The following TENM1 variants were observed in gnomAD, a reference collection of about 807,000 sequenced individuals.
TENM1 encodes teneurin-1.
A neutral mutation model predicts 174.8 loss-of-function variants in TENM1; 35 were observed. The observed-to-expected ratio is 0.20, with a 90% CI of 0.15 to 0.27. TENM1 has a LOEUF of 0.27. TENM1 is among the 10% of genes least tolerant of loss of function. The pLI is 1.00. For missense variants in TENM1, 1,633 were observed against 2,130.1 expected (o/e 0.77, Z 4.59); for synonymous variants, 781 against 798.7 (o/e 0.98, Z 0.37).
the TENM1 span, among the ~76,000 whole-genome samples, chrX:124,999,227 T>C: frequency 1.3e-4 from 14 of 111,432 alleles, no homozygotes; most frequent in Non-Finnish European, 2.5e-4. Flanking sequence ...AAATGTTTTA[T>C]ATTATAATTA....
At chrX:124,380,629 C>T in exon 32 of TENM1, 11 of 1,210,916 alleles carry the variant, frequency 9.1e-6, no homozygotes, top group Non-Finnish European at 1.2e-5. Context: ...AAACAAAATA[C>T]CCATCGTAAC....
At chrX:124,396,550 C>T (rs1404370157) in intron 27 of TENM1, among the ~76,000 whole-genome samples, 1 of 110,422 alleles carries the variant, frequency 9.1e-6, no homozygotes, top group East Asian at 2.8e-4. Flanking sequence ...GCAATCCACC[C>T]ACCTCACCCT....
At chrX:124,764,115 A>G (rs1341646358) in intron 3 of TENM1, among the ~76,000 whole-genome samples, 1 of 112,082 alleles carries the variant, frequency 8.9e-6, no homozygotes, top group African/African-American at 3.2e-5. Flanking sequence ...TTCTATTAAG[A>G]CCTCAGGTCC....
At chrX:124,477,717 A>C (rs1343688338) in intron 22 of TENM1, among the ~76,000 whole-genome samples, 1 of 98,072 alleles carries the variant, frequency 1.0e-5, no homozygotes, top group Non-Finnish European at 2.0e-5. Context: ...GTGCCACTGC[A>C]CTCCAGCCAG....
intron 1 of TENM1, among the ~76,000 whole-genome samples, chrX:124,963,048 G>A (rs1046634469): frequency 1.8e-5 from 2 of 111,408 alleles, no homozygotes; most frequent in South Asian, 7.6e-4. Context: ...TTGTAGGAAG[G>A]GTTCTAAAAA....
intron 23 of TENM1, among the ~76,000 whole-genome samples, chrX:124,438,299 C>T (rs939554142): frequency 1.8e-5 from 2 of 110,726 alleles, no homozygotes; most frequent in South Asian, 4.0e-4. Flanking sequence ...AATACACTAT[C>T]GTAGGTCTTC....
At chrX:124,716,322 C>T (rs1356480771) in intron 4 of TENM1, among the ~76,000 whole-genome samples, 1 of 111,783 alleles carries the variant, frequency 8.9e-6, no homozygotes, top group Non-Finnish European at 1.9e-5. Flanking sequence ...ATTTCCCAAC[C>T]ACCATTTTTG....
the TENM1 span, among the ~76,000 whole-genome samples, chrX:125,108,486 A>C: frequency 9.0e-6 from 1 of 111,232 alleles, no homozygotes; most frequent in African/African-American, 3.3e-5. Flanking sequence ...TTTGGGAGGC[A>C]GAGGTGGGCA....
chrX:125,092,949 G>T, the TENM1 span, among the ~76,000 whole-genome samples: 2 of 111,765 alleles, frequency 1.8e-5, no homozygotes, highest in Non-Finnish European at 1.9e-5. Flanking sequence ...AACAACTTAT[G>T]CCTGACAGCA....
In TENM1 at chrX:124,607,027, G is replaced by A. The variant is rs371311627; in HGVS notation, c.2077+34764C>T. ...AGGAAGATGTGGAGGAGGACAAGGA[G>A]GAGGAGGATAAGGGAGGAAACATTA... On this transcript the variant is annotated intron_variant, in intron 11 of 31. Transcript: ENST00000422452. Among the ~76,000 whole-genome samples the A allele has an allele frequency of 1.7e-4, 19 of 110,416 alleles. No individual in the cohort carries two copies. The East Asian group carries it at 5.1e-3, about 30-fold the overall frequency.
intron 3 of TENM1, among the ~76,000 whole-genome samples, chrX:124,742,335 C>T (rs953366060): frequency 8.1e-5 from 9 of 110,914 alleles, no homozygotes; most frequent in Non-Finnish European, 1.1e-4. Context: ...GGAAGGGTAG[C>T]TCCACAATTC....
chrX:124,922,020 C>T (rs1330772173), intron 1 of TENM1, among the ~76,000 whole-genome samples: 1 of 111,525 alleles, frequency 9.0e-6, no homozygotes, highest in Non-Finnish European at 1.9e-5. Context: ...ATTGTTTCTT[C>T]TCTCATCTTG....
chrX:124,995,560 C>A, the TENM1 span, among the ~76,000 whole-genome samples: 4 of 111,376 alleles, frequency 3.6e-5, no homozygotes, highest in African/African-American at 1.3e-4. Flanking sequence ...TATTTGTTGG[C>A]TACAAACTAA....
chrX:124,693,553 A>G (rs967520421), intron 5 of TENM1, among the ~76,000 whole-genome samples: 2 of 111,099 alleles, frequency 1.8e-5, no homozygotes, highest in East Asian at 5.6e-4. Flanking sequence ...ATCAGTCAGT[A>G]TAGTATTCAT....
chrX:124,904,107 TCTG>T (rs912844481), intron 1 of TENM1, among the ~76,000 whole-genome samples: 4 of 111,169 alleles, frequency 3.6e-5, no homozygotes, highest in African/African-American at 1.3e-4. Context: ...ACTACATCAA[TCTG>T]CTGCACAATT....
At chrX:124,719,398 C>A (rs763536208) in intron 4 of TENM1, among the ~76,000 whole-genome samples, 2 of 111,447 alleles carry the variant, frequency 1.8e-5, no homozygotes, top group African/African-American at 6.5e-5. Flanking sequence ...AACTGTACCC[C>A]TCATGAACCT....
intron 23 of TENM1, among the ~76,000 whole-genome samples, chrX:124,432,387 C>G (rs2060788836): frequency 1.0e-5 from 1 of 98,207 alleles, no homozygotes; most frequent in Non-Finnish European, 2.1e-5. Context: ...TGATTACACT[C>G]CCAGTTTATT....
intron 30 of TENM1, 71 bp from the exon 34 acceptor site, chrX:124,382,883 A>G: frequency 2.1e-6 from 2 of 932,754 alleles, no homozygotes; most frequent in Non-Finnish European, 2.9e-6. Context: ...AAAACTTGAA[A>G]GATACCTCTC....
chrX:124,510,912 A>G (rs1466354726), intron 18 of TENM1, among the ~76,000 whole-genome samples: 1 of 111,977 alleles, frequency 8.9e-6, no homozygotes. Flanking sequence ...TTTCAAAACG[A>G]AAACGCTGGT....
Sources: gnomAD v4.1 joint callset for allele counts (sites outside exome capture counted in the v4.1 genomes callset) on GRCh38, gnomAD v4.1.1 for gene constraint, MANE v1.5 for transcripts, NCBI Gene and HGNC (gene_info 2026-07-23, HGNC 2026-07-21) for gene names.